PRR16: variants seen among roughly 807,000 people sequenced by gnomAD.
PRR16 encodes protein Largen.
Under a neutral mutation model 18.2 loss-of-function variants are expected in PRR16, and 6 were observed. The ratio of observed to expected loss-of-function variants is 0.33; its 90% confidence interval spans 0.18 to 0.65. The LOEUF is 0.65. PRR16 is among the 30% of genes least tolerant of loss of function. PRR16 has a pLI of 0.74. For missense variants in PRR16, 412 were observed against 376.6 expected, an observed-to-expected ratio of 1.09 and a Z score of -0.78; for synonymous variants, 151 against 147.8, an observed-to-expected ratio of 1.02 and a Z score of -0.16.
At chr5:120,516,794 A>C (rs1751012791) in intron 1 of PRR16, among the ~76,000 whole-genome samples, 1 of 152,170 alleles carries the variant, frequency 6.6e-6, no homozygotes, top group Non-Finnish European at 1.5e-5. Flanking sequence ...TTTGCACCAT[A>C]GACTAATGTT....
chr5:120,621,737 T>C (rs959566026), intron 1 of PRR16, among the ~76,000 whole-genome samples: 16 of 152,110 alleles, frequency 1.1e-4, no homozygotes, highest in African/African-American at 3.9e-4. Context: ...ATCTCCTTTC[T>C]GCCACCTTGT....
chr5:120,575,994 C>T (rs1454154066), intron 1 of PRR16, among the ~76,000 whole-genome samples: 1 of 152,146 alleles, frequency 6.6e-6, no homozygotes, highest in East Asian at 1.9e-4. Context: ...GGCAGTTAGA[C>T]TCTTAATCCC....
At chr5:120,765,445 G>A in the PRR16 span, among the ~76,000 whole-genome samples, 2 of 152,036 alleles carry the variant, frequency 1.3e-5, no homozygotes, top group African/African-American at 4.8e-5. Flanking sequence ...CACATAAACT[G>A]TGAAAAACAT....
In PRR16 at chr5:120,585,001, C is replaced by G. The variant is rs1753393633; in HGVS notation, c.160-100953C>G. Among the ~76,000 whole-genome samples, 4 of 152,152 alleles carry G rather than the reference C, an allele frequency of 2.6e-5. No individual in the cohort carries two copies. In the South Asian group the frequency reaches 8.3e-4, roughly 32 times the overall value. On this transcript the variant is annotated intron_variant, in intron 1 of 1. Coordinates refer to ENST00000407149, the MANE Select transcript of PRR16 (RefSeq NM_001300783.2). Reference sequence around the variant, plus strand: ...TGGTCTTTCTGCCTCACTAGATCATCTTAGCTGTTGTTTTCAGTCTCTCGA... The same window carrying G: ...TGGTCTTTCTGCCTCACTAGATCATGTTAGCTGTTGTTTTCAGTCTCTCGA...
chr5:120,752,031 T>C, the PRR16 span, among the ~76,000 whole-genome samples: 1 of 152,200 alleles, frequency 6.6e-6, no homozygotes. Flanking sequence ...TGTGGTATCT[T>C]AATGTAGTTC....
chr5:120,678,324 G>T (rs1335086354), intron 1 of PRR16, among the ~76,000 whole-genome samples: 1 of 152,100 alleles, frequency 6.6e-6, no homozygotes, highest in Admixed American at 6.5e-5. Flanking sequence ...GGGCCATCTG[G>T]GATTGGAGGG....
At chr5:120,465,418 G>T (rs1749043981) in intron 1 of PRR16, among the ~76,000 whole-genome samples, 1 of 152,192 alleles carries the variant, frequency 6.6e-6, no homozygotes, top group Admixed American at 6.5e-5. Context: ...TGCCATTGGC[G>T]TCCTGGCTCT....
intron 1 of PRR16, among the ~76,000 whole-genome samples, chr5:120,635,176 C>A (rs555543330): frequency 1.3e-5 from 2 of 152,078 alleles, no homozygotes; most frequent in African/African-American, 2.4e-5. Context: ...TGGCTGAATT[C>A]TATCAGGCAT....
chr5:120,552,537 A>G (rs55647516), intron 1 of PRR16, among the ~76,000 whole-genome samples: 42,996 of 151,804 alleles, frequency 0.28, 6,506 homozygotes, highest in African/African-American at 0.37. Flanking sequence ...TTTTCTGATT[A>G]TATATAGATT....
intron 1 of PRR16, among the ~76,000 whole-genome samples, chr5:120,528,972 T>C (rs558520409): frequency 6.6e-6 from 1 of 152,318 alleles, no homozygotes; most frequent in Non-Finnish European, 1.5e-5. Flanking sequence ...TGGCTGGTAT[T>C]TTGTATCTTG....
the PRR16 span, among the ~76,000 whole-genome samples, chr5:120,748,344 C>G: frequency 6.6e-6 from 1 of 152,042 alleles, no homozygotes; most frequent in Non-Finnish European, 1.5e-5. Context: ...TTACTTTTGA[C>G]AAACTAATGC....
At chr5:120,537,002 T>C (rs1188710320) in intron 1 of PRR16, among the ~76,000 whole-genome samples, 1 of 152,054 alleles carries the variant, frequency 6.6e-6, no homozygotes, top group African/African-American at 2.4e-5. Flanking sequence ...TGAGAACTCA[T>C]GAACACAAAG....
chr5:120,702,638 G>T, the PRR16 span, among the ~76,000 whole-genome samples: 1 of 152,214 alleles, frequency 6.6e-6, no homozygotes, highest in African/African-American at 2.4e-5. Flanking sequence ...TGCCTTCCCA[G>T]TCCGTGACCG....
chr5:120,735,830 T>C, the PRR16 span, among the ~76,000 whole-genome samples: 1 of 152,202 alleles, frequency 6.6e-6, no homozygotes, highest in African/African-American at 2.4e-5. Context: ...AAATTTGATA[T>C]AGTCCCACTT....
Position 120,517,265 on chromosome 5 carries a change from C to G in PRR16, c.159+52620C>G, listed in dbSNP as rs557520969. Among the ~76,000 whole-genome samples the G allele has an allele frequency of 9.0e-4, 137 of 152,234 alleles. 1 individual carries two copies. The highest frequency in any genetic ancestry group is 3.4e-3 in the Middle Eastern group (1 of 294). On this transcript the variant is annotated intron_variant, in intron 1 of 1. Coordinates refer to ENST00000407149, the MANE Select transcript of PRR16 (RefSeq NM_001300783.2). ...ATTTACTTTACTAGAGTAGTACAAT[C>G]AATGCATGAATTCAATTTATTTCCA...
rs765695905 is a variant in PRR16 at position 120,464,460 on chromosome 5, C to T, written c.-27C>T. On this transcript the variant is annotated 5_prime_UTR_variant, in exon 1 of 2. Coordinates refer to ENST00000407149, the MANE Select transcript of PRR16 (RefSeq NM_001300783.2). ...AGCAGCCTCCGCTCGCCCGCCTGTC[C>T]TGACCTGCCTCGCTTGCCCCCAAAG... 4.4e-5 allele frequency: 69 copies of T among 1,568,382 alleles called. No individual in the cohort carries two copies. Among genetic ancestry groups the T allele is most frequent in the Non-Finnish European group, 5.3e-5 (62 of 1,165,418 alleles).
intron 1 of PRR16, among the ~76,000 whole-genome samples, chr5:120,499,996 A>G (rs558651754): frequency 1.3e-5 from 2 of 152,048 alleles, no homozygotes; most frequent in African/African-American, 4.8e-5. Flanking sequence ...CTGTTTTTTG[A>G]GTATTAACCT....
At chr5:120,729,521 A>G in the PRR16 span, among the ~76,000 whole-genome samples, 2 of 152,148 alleles carry the variant, frequency 1.3e-5, no homozygotes, top group South Asian at 2.1e-4. Context: ...ATGATGATTG[A>G]GCAGTCCTTC....
At chr5:120,777,282 C>T in the PRR16 span, among the ~76,000 whole-genome samples, 1 of 152,088 alleles carries the variant, frequency 6.6e-6, no homozygotes, top group Admixed American at 6.6e-5. Flanking sequence ...ATGTCGGACA[C>T]TGTGCTTGTT....
Sources: gnomAD v4.1 joint callset for allele counts (sites outside exome capture counted in the v4.1 genomes callset) on GRCh38, gnomAD v4.1.1 for gene constraint, MANE v1.5 for transcripts, NCBI Gene and HGNC (gene_info 2026-07-23, HGNC 2026-07-21) for gene names.